The following ITGA8 variants were observed in gnomAD, a reference collection of about 807,000 sequenced individuals.
The protein encoded by ITGA8 is integrin subunit alpha 8, also known as integrin alpha-8.
A neutral mutation model predicts 142.3 loss-of-function variants in ITGA8; 91 were observed. That is an observed-to-expected ratio of 0.64 (90% CI 0.54 to 0.76). The LOEUF is 0.76. Among genes scored for constraint, ITGA8 ranks in the 30% least tolerant of loss-of-function variants. ITGA8 has a pLI of 0.00. For synonymous variants in ITGA8, 505 were observed against 485.2 expected (o/e 1.04, Z -0.54); for missense variants, 1,406 against 1,327.7 (o/e 1.06, Z -0.92).
At chr10:15,679,487 C>G (rs1834695825) in intron 4 of ITGA8, among the ~76,000 whole-genome samples, 1 of 152,182 alleles carries the variant, frequency 6.6e-6, no homozygotes, top group Non-Finnish European at 1.5e-5. Context: ...GAGGCTGAGG[C>G]AGGAGAATCT....
rs1028783121 is a variant in ITGA8 at position 15,515,366 on chromosome 10, A to C, written c.*1792T>G. On this transcript the variant is annotated 3_prime_UTR_variant, in exon 30 of 30. Coordinates refer to ENST00000378076, the MANE Select transcript of ITGA8 (RefSeq NM_003638.3). ...TATTCAATTCACAGGCAGGAAGAACATGAACTGCACCAGCGTGCTCGTCCA... is the reference window on the plus strand; with the variant it reads ...TATTCAATTCACAGGCAGGAAGAACCTGAACTGCACCAGCGTGCTCGTCCA... 2.0e-5 allele frequency: 3 copies of C among 152,270 alleles called. No homozygotes were observed. The highest frequency in any genetic ancestry group is 7.2e-5 in the African/African-American group (3 of 41,470). The allele number at this position is 152,270 out of a possible 1,614,324, so 9.4% of individuals were successfully genotyped here.
chr10:15,613,766 C>T lies in ITGA8; in HGVS notation c.1447G>A (p.Ala483Thr), dbSNP rs376893085. ...GCATCTACAGTCACAACCGGTCTTG[C>T]TCTGCGGGGAGAAAATGCAGGGTTT... ...FGTGKVAVYR[A>T]RPVVTVDAQL... The change falls in exon 15 of 30, where the codon GCA becomes ACA. Residue 483 changes from alanine (A) to threonine (T), a missense_variant and splice_region_variant. Ala to Thr is a moderately conservative substitution (Grantham distance 58). Coordinates refer to ENST00000378076, the MANE Select transcript of ITGA8 (RefSeq NM_003638.3). 13 of 1,608,746 alleles carry T rather than the reference C, an allele frequency of 8.1e-6. No homozygotes were observed. The highest frequency in any genetic ancestry group is 1.6e-4 in the Middle Eastern group (1 of 6,068).
intron 3 of ITGA8, among the ~76,000 whole-genome samples, chr10:15,686,959 G>A (rs1007026578): frequency 6.6e-6 from 1 of 152,084 alleles, no homozygotes; most frequent in Non-Finnish European, 1.5e-5. Context: ...GCCCCAAACA[G>A]TTATTACAGA....
intron 6 of ITGA8, among the ~76,000 whole-genome samples, chr10:15,675,388 C>T (rs1018582129): frequency 1.3e-5 from 2 of 152,178 alleles, no homozygotes; most frequent in African/African-American, 4.8e-5. Flanking sequence ...CCCTTACCAC[C>T]TTTCTTCCCT....
rs775472957 is a variant in ITGA8 at position 15,608,297 on chromosome 10, A to C, written c.1554-7T>G. On this transcript the variant is annotated splice_polypyrimidine_tract_variant and splice_region_variant and intron_variant, in intron 15 of 29. Transcript: ENST00000378076. ...ACATACTCTTAAAGAAAAGCTATAG[A>C]AAATAGTAGTAATTTATTGGTTAAT... 11 of 1,571,934 alleles carry C rather than the reference A, an allele frequency of 7.0e-6. No homozygotes were observed. Among genetic ancestry groups the C allele is most frequent in the Non-Finnish European group, 8.7e-6 (10 of 1,155,462 alleles).
chr10:15,695,209 TA>T (rs1292188831), intron 2 of ITGA8, among the ~76,000 whole-genome samples: 1 of 152,152 alleles, frequency 6.6e-6, no homozygotes, highest in Non-Finnish European at 1.5e-5. Flanking sequence ...CGGGCTTCAT[TA>T]ATTTCATATC....
rs755937414 is a variant in ITGA8, at chr10:15,607,685, A to G, written c.1756T>C (p.Tyr586His). 1.2e-6 allele frequency: 2 copies of G among 1,613,696 alleles called. No homozygotes were observed. Among genetic ancestry groups the G allele is most frequent in the African/African-American group, 1.3e-5 (1 of 74,924 alleles). Residue 586 changes from tyrosine (Y) to histidine (H), a missense_variant, in exon 17 of 30, where the codon TAC (tyrosine) becomes CAC (histidine). Coordinates refer to ENST00000378076, the MANE Select transcript of ITGA8 (RefSeq NM_003638.3). ...KSHQCQDFIV[Y>H]LRDETEFRDK... ...CTTTCTGGAATACTTACTCGAAGGT[A>G]AACGATGAAATCCTGGCACTGGTGG...
Position 15,548,574 on chromosome 10 carries a change from A to G in ITGA8, c.2767-6T>C, listed in dbSNP as rs770509944. The G allele has an allele frequency of 6.3e-7, 1 of 1,581,132 alleles. No homozygotes were observed. The highest frequency in any genetic ancestry group is 8.7e-7 in the Non-Finnish European group (1 of 1,152,090). ...CACTCGATATTTGTACAATTCTGCA[A>G]ACAGCAGTGGGAACACGTCAGAGTC... On this transcript the variant is annotated splice_region_variant and splice_polypyrimidine_tract_variant and intron_variant, in intron 26 of 29. Transcript: ENST00000378076.
chr10:15,707,560 C>A (rs1006405481), intron 2 of ITGA8, among the ~76,000 whole-genome samples: 1 of 152,134 alleles, frequency 6.6e-6, no homozygotes, highest in Non-Finnish European at 1.5e-5. Context: ...CAGTGGCTCA[C>A]ACCTTTAATC....
At chr10:15,718,336 G>C (rs1835492063) in intron 2 of ITGA8, among the ~76,000 whole-genome samples, 1 of 152,190 alleles carries the variant, frequency 6.6e-6, no homozygotes, top group South Asian at 2.1e-4. Flanking sequence ...TGGGTCTGCA[G>C]CAGCTAAGTC....
chr10:15,521,412 G>T (rs527508792), intron 28 of ITGA8, among the ~76,000 whole-genome samples: 1 of 151,986 alleles, frequency 6.6e-6, no homozygotes, highest in Non-Finnish European at 1.5e-5. Context: ...TTCTTGATCC[G>T]CATCCCCCAT....
intron 2 of ITGA8, among the ~76,000 whole-genome samples, chr10:15,705,184 AG>A (rs537503573): frequency 7.0e-4 from 106 of 152,278 alleles, no homozygotes; most frequent in African/African-American, 2.5e-3. Context: ...GGCTGAACAA[AG>A]GCAAAAGGTT....
At chr10:15,622,853 T>C (rs924325353) in intron 13 of ITGA8, among the ~76,000 whole-genome samples, 2 of 152,150 alleles carry the variant, frequency 1.3e-5, no homozygotes, top group Non-Finnish European at 2.9e-5. Flanking sequence ...CTAATAAATA[T>C]ATGAAAAGAC....
Position 15,548,531 on chromosome 10 carries a change from G to A in ITGA8, c.2804C>T (p.Ala935Val). The A allele has an allele frequency of 6.2e-7, 1 of 1,608,750 alleles. No homozygotes were observed. The highest frequency in any genetic ancestry group is 8.5e-7 in the Non-Finnish European group (1 of 1,178,442). ...TTCTCCTCCTTCGAGTCGTCCCACT[G>A]CACAGGAGATTTGTAAACACTCGAT... ...TNIECLQISC[A>V]VGRLEGGESA... is the part of the protein sequence containing the mutation. The change falls in exon 27 of 30, where the codon GCA becomes GTA. Residue 935 changes from alanine to valine, a missense_variant. Transcript: ENST00000378076.
chr10:15,649,468 A>G (rs1302031891), intron 11 of ITGA8, among the ~76,000 whole-genome samples: 3 of 152,014 alleles, frequency 2.0e-5, no homozygotes, highest in Non-Finnish European at 4.4e-5. Context: ...TGTCTCTACT[A>G]AAAATACAAA....
At chr10:15,542,408 A>G (rs1464497544) in intron 27 of ITGA8, among the ~76,000 whole-genome samples, 1 of 152,228 alleles carries the variant, frequency 6.6e-6, no homozygotes, top group Non-Finnish European at 1.5e-5. Context: ...AATACTTTAA[A>G]TAGCCACACA....
chr10:15,585,356 T>C (rs1588659221), intron 23 of ITGA8, among the ~76,000 whole-genome samples: 1 of 152,162 alleles, frequency 6.6e-6, no homozygotes, highest in African/African-American at 2.4e-5. Flanking sequence ...ACTAGTTCAT[T>C]TATAAGATGG....
chr10:15,603,092 A>T (rs1007837006), intron 20 of ITGA8, among the ~76,000 whole-genome samples: 1 of 151,934 alleles, frequency 6.6e-6, no homozygotes, highest in Non-Finnish European at 1.5e-5. Flanking sequence ...AATGACTGTT[A>T]AAGATGCTCT....
At chr10:15,704,650 G>A (rs1298210566) in intron 2 of ITGA8, among the ~76,000 whole-genome samples, 8 of 152,090 alleles carry the variant, frequency 5.3e-5, no homozygotes, top group Non-Finnish European at 1.2e-4. Flanking sequence ...TGGCTTCAAT[G>A]TCAACTTCTG....
Sources: gnomAD v4.1 joint callset for allele counts (sites outside exome capture counted in the v4.1 genomes callset) on GRCh38, gnomAD v4.1.1 for gene constraint, MANE v1.5 for transcripts, NCBI Gene and HGNC (gene_info 2026-07-23, HGNC 2026-07-21) for gene names.